The following DIAPH2 variants were observed in gnomAD, a reference collection of about 807,000 sequenced individuals.
DIAPH2 encodes protein diaphanous homolog 2.
DIAPH2 carries 35 observed loss-of-function variants against 92.7 expected under a neutral mutation model. That is an observed-to-expected ratio of 0.38 (90% CI 0.29 to 0.50). The LOEUF is 0.50. DIAPH2 is among the 20% of genes least tolerant of loss of function. The probability of loss-of-function intolerance (pLI) is 0.94; values close to 1 mark genes in which losing one functional copy is unlikely to be tolerated. For synonymous variants in DIAPH2, 301 were observed against 280.4 expected (o/e 1.07, Z -0.73); for missense variants, 701 against 819.5 (o/e 0.86, Z 1.77).
intron 1 of DIAPH2, among the ~76,000 whole-genome samples, chrX:96,706,419 A>T (rs774967438): frequency 6.2e-5 from 7 of 112,237 alleles, no homozygotes; most frequent in African/African-American, 2.3e-4. Flanking sequence ...GACCAGAGAG[A>T]TTATAATAGT....
At chrX:97,514,492 A>G (rs2070924839) in intron 26 of DIAPH2, among the ~76,000 whole-genome samples, 1 of 112,801 alleles carries the variant, frequency 8.9e-6, no homozygotes, top group Non-Finnish European at 1.9e-5. Context: ...GATCGTCTGA[A>G]GCCTTCTTCT....
intron 22 of DIAPH2, among the ~76,000 whole-genome samples, chrX:97,171,481 C>T (rs1321680017): frequency 9.0e-6 from 1 of 111,542 alleles, no homozygotes; most frequent in East Asian, 2.8e-4. Flanking sequence ...GAATAGTTGT[C>T]CACGTTGCAA....
intron 26 of DIAPH2, among the ~76,000 whole-genome samples, chrX:97,498,869 AG>A (rs772214266): frequency 8.9e-6 from 1 of 111,842 alleles, no homozygotes; most frequent in Admixed American, 9.5e-5. Context: ...AGATTGTCTG[AG>A]GATCAAAGCA....
At chrX:97,102,173 T>C (rs1214835782) in intron 20 of DIAPH2, among the ~76,000 whole-genome samples, 1 of 112,220 alleles carries the variant, frequency 8.9e-6, no homozygotes, top group Non-Finnish European at 1.9e-5. Context: ...TCAATTGGTA[T>C]CTTTTTGACA....
At chrX:97,179,054 T>C (rs1490742994) in intron 22 of DIAPH2, among the ~76,000 whole-genome samples, 1 of 111,314 alleles carries the variant, frequency 9.0e-6, no homozygotes, top group Non-Finnish European at 1.9e-5. Flanking sequence ...TTACGCAGTC[T>C]GTGGTATACT....
intron 24 of DIAPH2, among the ~76,000 whole-genome samples, chrX:97,371,229 G>A (rs1009184862): frequency 1.4e-4 from 16 of 111,424 alleles, no homozygotes; most frequent in African/African-American, 5.2e-4. Context: ...TCAGAAAATG[G>A]TATTGATTGG....
At chrX:97,115,734 G>A (rs185936668) in intron 21 of DIAPH2, among the ~76,000 whole-genome samples, 89 of 111,416 alleles carry the variant, frequency 8.0e-4, no homozygotes, top group Non-Finnish European at 6.0e-4. Flanking sequence ...CTGGTATCTG[G>A]TGCATTAACT....
intron 24 of DIAPH2, 56 bp from the exon 25 acceptor site, chrX:97,383,853 G>A: frequency 9.6e-7 from 1 of 1,039,363 alleles, no homozygotes; most frequent in Admixed American, 3.3e-5. Context: ...ACTGTGCAAT[G>A]TCTCTATTAT....
chrX:97,052,385 G>T (rs112195754), intron 17 of DIAPH2, among the ~76,000 whole-genome samples: 32,187 of 110,062 alleles, frequency 0.29, 3,776 homozygotes, highest in South Asian at 0.42. Context: ...AGACTACAAG[G>T]TTCGTGTTGG....
At chrX:97,053,336 T>G (rs2066533719) in intron 17 of DIAPH2, among the ~76,000 whole-genome samples, 1 of 111,673 alleles carries the variant, frequency 9.0e-6, no homozygotes, top group Non-Finnish European at 1.9e-5. Flanking sequence ...CTGTACGTTT[T>G]AAATTATTTT....
At chrX:97,480,058 G>T (rs909828701) in intron 26 of DIAPH2, among the ~76,000 whole-genome samples, 3 of 111,761 alleles carry the variant, frequency 2.7e-5, no homozygotes, top group South Asian at 7.5e-4. Context: ...CACCCAAAAA[G>T]GTATGTTTAA....
At chrX:97,351,035 A>T (rs1602527955) in intron 24 of DIAPH2, among the ~76,000 whole-genome samples, 1 of 112,382 alleles carries the variant, frequency 8.9e-6, no homozygotes, top group African/African-American at 3.2e-5. Context: ...TGCACTCCTG[A>T]CCAGCCATTG....
intron 22 of DIAPH2, among the ~76,000 whole-genome samples, chrX:97,194,485 T>C (rs1226620512): frequency 8.2e-4 from 90 of 109,757 alleles, no homozygotes; most frequent in Middle Eastern, 4.7e-3. Context: ...GGGGTTTCAC[T>C]GTGTTAGCCA....
intron 13 of DIAPH2, among the ~76,000 whole-genome samples, chrX:96,945,189 C>T (rs779112732): frequency 5.4e-5 from 6 of 110,862 alleles, no homozygotes; most frequent in Non-Finnish European, 7.6e-5. Context: ...ATTAAGGTTA[C>T]ACATGGAGTC....
At chrX:97,212,406 C>A (rs964822648) in intron 22 of DIAPH2, among the ~76,000 whole-genome samples, 1 of 110,594 alleles carries the variant, frequency 9.0e-6, no homozygotes, top group Non-Finnish European at 1.9e-5. Flanking sequence ...TAGAACCTTT[C>A]GGTTTGTGTT....
chrX:97,440,357 C>G (rs899240214), intron 26 of DIAPH2, among the ~76,000 whole-genome samples: 1 of 110,705 alleles, frequency 9.0e-6, no homozygotes, highest in Non-Finnish European at 1.9e-5. Context: ...TTTGGGAGGC[C>G]AAGGCAGGCA....
At chrX:97,254,774 A>G (rs995255857) in intron 23 of DIAPH2, among the ~76,000 whole-genome samples, 49 of 107,290 alleles carry the variant, frequency 4.6e-4, no homozygotes, top group African/African-American at 1.7e-3. Flanking sequence ...GCCAGGCTGG[A>G]GTGCAGTGGT....
intron 26 of DIAPH2, among the ~76,000 whole-genome samples, chrX:97,503,692 C>CT (rs1226245861): frequency 9.0e-6 from 1 of 111,457 alleles, no homozygotes; most frequent in African/African-American, 3.3e-5. Context: ...TGATAGAACG[C>CT]TCATGAGATC....
chrX:96,876,272 G>C (rs1395981490), intron 4 of DIAPH2, among the ~76,000 whole-genome samples: 1 of 111,650 alleles, frequency 9.0e-6, no homozygotes, highest in African/African-American at 3.3e-5. Flanking sequence ...AGGTGCTGGA[G>C]AGGATGTGGA....
Sources: gnomAD v4.1 joint callset for allele counts (sites outside exome capture counted in the v4.1 genomes callset) on GRCh38, gnomAD v4.1.1 for gene constraint, MANE v1.5 for transcripts, NCBI Gene and HGNC (gene_info 2026-07-23, HGNC 2026-07-21) for gene names.